Variants in ATP1A2 observed in about 807,000 individuals in gnomAD.
ATP1A2 encodes sodium/potassium-transporting ATPase subunit alpha-2.
A neutral mutation model predicts 113.1 loss-of-function variants in ATP1A2; 56 were observed. The observed-to-expected ratio is 0.49, with a 90% CI of 0.40 to 0.62. The LOEUF (loss-of-function observed/expected upper bound fraction) is 0.62, where lower values mean the gene tolerates loss of function less well. Ranked by LOEUF, ATP1A2 falls within the 20% of genes least tolerant of loss-of-function variation. The pLI is 0.00. For synonymous variants in ATP1A2, 490 were observed against 526.8 expected (o/e 0.93, Z 0.96); for missense variants, 712 against 1,357.8 (o/e 0.52, Z 7.47).
At chr1:160,124,087 G>C (rs780495428) in intron 5 of ATP1A2, 31 bp downstream of exon 5, 1 of 1,610,672 alleles carries the variant, frequency 6.2e-7, no homozygotes. Flanking sequence ...TCTGGGCTAG[G>C]CTGTAAGGTT....
intron 13 of ATP1A2, 36 bp downstream of exon 13, chr1:160,130,633 C>A: frequency 1.2e-6 from 2 of 1,613,634 alleles, no homozygotes; most frequent in Non-Finnish European, 1.7e-6. Context: ...ATTCTAGCCT[C>A]CCCCATGCCA....
chr1:160,128,982 G>T lies in ATP1A2; in HGVS notation c.1219G>T (p.Ala407Ser). Reference protein sequence around the residue: ...EADTTEDQSGATFDKRSPTWT... With the variant: ...EADTTEDQSGSTFDKRSPTWT... ...GGTTCCCCCTCATTTCCTCCCAGGGGCCACTTTTGACAAACGATCCCCTAC... is the reference window on the plus strand; with the variant it reads ...GGTTCCCCCTCATTTCCTCCCAGGGTCCACTTTTGACAAACGATCCCCTAC... The change falls in exon 10 of 23, where the codon GCC becomes TCC. Residue 407 changes from alanine (A) to serine (S), a missense_variant and splice_region_variant. By Grantham distance (99) the Ala-to-Ser change is moderately conservative (BLOSUM62 1). Transcript: ENST00000361216. The T allele has an allele frequency of 6.2e-7, 1 of 1,602,744 alleles. No homozygotes were observed. The highest frequency in any genetic ancestry group is 1.1e-5 in the South Asian group (1 of 89,752).
At position 160,116,800 on chromosome 1, in the gene ATP1A2, C is replaced by T. The variant is rs1363418433; in HGVS notation, c.12+927C>T. 9.2e-5 allele frequency among the ~76,000 whole-genome samples: 14 copies of T among 152,120 alleles called. 1 individual carries two copies. In the South Asian group the frequency reaches 1.7e-3, roughly 18 times the overall value. ...GAGGAAGACTGTGCCTAGGGGGAGC[C>T]GTGGGTGTTTCTGGGCCCAGGAGGA... On this transcript the variant is annotated intron_variant, in intron 1 of 22. Transcript: ENST00000361216.
In ATP1A2 at chr1:160,119,256, C is replaced by CAAAAAAAAAAAAAAAAA. The variant is rs386368465; in HGVS notation, c.13-1639_13-1623dup. ...AAACCCCCAAAACTGCATTATCCTG[C>CAAAAAAAAAAAAAAAAA]AAAAAAAAAAAAAAAAAAAAAAAAA... On this transcript the variant is annotated intron_variant, in intron 1 of 22. Coordinates refer to ENST00000361216, the MANE Select transcript of ATP1A2 (RefSeq NM_000702.4). 8.5e-4 allele frequency among the ~76,000 whole-genome samples: 42 copies of CAAAAAAAAAAAAAAAAA among 49,428 alleles called. 11 individuals carry two copies. Among genetic ancestry groups the CAAAAAAAAAAAAAAAAA allele is most frequent in the Middle Eastern group, 0.017 (1 of 58 alleles). 32.4% of individuals were successfully genotyped at this position (49,428 alleles called of 152,430 possible).
In ATP1A2 at chr1:160,124,558, C is replaced by G; in HGVS notation, c.630+128C>G. 2.2e-6 allele frequency: 3 copies of G among 1,389,848 alleles called. No homozygotes were observed. In the South Asian group the frequency reaches 3.8e-5, roughly 18 times the overall value. The allele number at this position is 1,389,848 out of a possible 1,614,324, so 86.1% of individuals were successfully genotyped here. ...AAATGTCAACACCATGCCTATGCCCCTGCTAAACCTTCTCTCAGTGTGGGG... is the reference window on the plus strand; with the variant it reads ...AAATGTCAACACCATGCCTATGCCCGTGCTAAACCTTCTCTCAGTGTGGGG... On this transcript the variant is annotated intron_variant, in intron 6 of 22. Transcript: ENST00000361216.
chr1:160,129,661 C>T (rs560942898), intron 11 of ATP1A2, among the ~76,000 whole-genome samples: 1 of 152,308 alleles, frequency 6.6e-6, no homozygotes, highest in South Asian at 2.1e-4. Context: ...TCTGGCCTAG[C>T]CTTCCAACTC....
intron 22 of ATP1A2, 80 bp from the exon 23 acceptor site, chr1:160,141,214 C>T (rs1242789992): frequency 2.4e-5 from 37 of 1,572,696 alleles, no homozygotes; most frequent in Middle Eastern, 1.7e-4. Flanking sequence ...CTGGCTTCAG[C>T]GACCCAAGCC....
chr1:160,136,893 C>A lies in ATP1A2; in HGVS notation c.2710-8C>A. 1 of 1,614,202 alleles carries A rather than the reference C, an allele frequency of 6.2e-7. No individual in the cohort carries two copies. ...ACTCTCATCTGTCTCTGCCCACCCT[C>A]CCTCCAGACCTATGAGCAGCGGAAG... On this transcript the variant is annotated splice_region_variant and splice_polypyrimidine_tract_variant and intron_variant, in intron 19 of 22. Transcript: ENST00000361216.
At position 160,123,531 on chromosome 1, in the gene ATP1A2, C is replaced by T. The variant is rs1302907066; in HGVS notation, c.381+115C>T. On this transcript the variant is annotated intron_variant, in intron 4 of 22. Transcript: ENST00000361216. ...CCCTCACATAACAGTCCTACAGATGCCCCTGCATCTTAGGCTGGAAAGGGG... is the reference window on the plus strand; with the variant it reads ...CCCTCACATAACAGTCCTACAGATGTCCCTGCATCTTAGGCTGGAAAGGGG... 3.0e-6 allele frequency: 4 copies of T among 1,334,318 alleles called. No homozygotes were observed. The African/African-American group carries it at 5.8e-5, about 19-fold the overall frequency. The allele number at this position is 1,334,318 out of a possible 1,614,324, so 82.7% of individuals were successfully genotyped here.
At chr1:160,116,550 C>CA (rs931206639) in intron 1 of ATP1A2, among the ~76,000 whole-genome samples, 1 of 151,912 alleles carries the variant, frequency 6.6e-6, no homozygotes, top group Non-Finnish European at 1.5e-5. Context: ...GACCCCCCCC[C>CA]CAGTCCACCC....
chr1:160,131,953 T>C (rs1239928554), intron 13 of ATP1A2, among the ~76,000 whole-genome samples: 2 of 152,248 alleles, frequency 1.3e-5, no homozygotes, highest in African/African-American at 4.8e-5. Context: ...CCGGAAAGCC[T>C]GAGCTCCTGC....
At position 160,123,968 on chromosome 1, in the gene ATP1A2, C is replaced by T. The variant is rs1651502620; in HGVS notation, c.407C>T (p.Ala136Val). The change falls in exon 5 of 23, where the codon GCT (alanine) becomes GTT (valine). Residue 136 changes from alanine (A) to valine (V), a missense_variant. Transcript: ENST00000361216. ...DNLYLGVVLAAVVIVTGCFSY... is the reference protein window; with the variant it reads ...DNLYLGVVLAVVVIVTGCFSY... ...CTATATCTGGGTGTGGTGCTGGCAG[C>T]TGTGGTCATTGTCACTGGCTGCTTC... 1 of 1,614,176 alleles carries T rather than the reference C, an allele frequency of 6.2e-7. No individual in the cohort carries two copies. The highest frequency in any genetic ancestry group is 8.5e-7 in the Non-Finnish European group (1 of 1,180,028).
At chr1:160,136,787 C>T in intron 19 of ATP1A2, 72 bp downstream of exon 19, 1 of 1,613,998 alleles carries the variant, frequency 6.2e-7, no homozygotes, top group Non-Finnish European at 8.5e-7. Context: ...CAGGAGTGGC[C>T]AGTGGTGGCC....
chr1:160,132,854 G>A (rs543997032), intron 13 of ATP1A2, among the ~76,000 whole-genome samples: 2 of 152,146 alleles, frequency 1.3e-5, no homozygotes, highest in Non-Finnish European at 2.9e-5. Context: ...TGCCCAGAAA[G>A]AGCAGACAGG....
rs1417070333 is a variant in ATP1A2 at position 160,115,888 on chromosome 1, A to G, written c.12+15A>G. The G allele has an allele frequency of 1.2e-6, 2 of 1,601,752 alleles. No individual in the cohort carries two copies. The highest frequency in any genetic ancestry group is 2.2e-5 in the East Asian group (1 of 44,518). The stretch of plus-strand genomic sequence containing the variant: ...TGGGCCGTGGGGTGAGTATCCCTAA[A>G]GAGCAGGGGTCGCAGTCTAGAGGGT... On this transcript the variant is annotated intron_variant, in intron 1 of 22. Transcript: ENST00000361216.
Position 160,135,083 on chromosome 1 carries a change from G to A in ATP1A2, c.1965-62G>A. ...GGCTGCGGTGGTGAAGAGAGGCAGG[G>A]GGCAGGAGGGGCTGGTACAGGTGCC... On this transcript the variant is annotated intron_variant, in intron 14 of 22. Coordinates refer to ENST00000361216, the MANE Select transcript of ATP1A2 (RefSeq NM_000702.4). The surrounding 1 kb of genome is among the most constrained non-coding windows in gnomAD (Gnocchi z 6.3). 1.9e-6 allele frequency: 3 copies of A among 1,608,870 alleles called. No individual in the cohort carries two copies. In the Middle Eastern group the frequency reaches 5.0e-4, roughly 266 times the overall value.
At chr1:160,124,517 G>A (rs1014184788) in intron 6 of ATP1A2, 87 bp downstream of exon 6, 2 of 1,544,624 alleles carry the variant, frequency 1.3e-6, no homozygotes, top group African/African-American at 1.4e-5. Flanking sequence ...GTTTAAAGGT[G>A]GAGAGACCCA....
At chr1:160,119,405 G>A (rs1427462323) in intron 1 of ATP1A2, among the ~76,000 whole-genome samples, 1 of 152,102 alleles carries the variant, frequency 6.6e-6, no homozygotes, top group Admixed American at 6.6e-5. Flanking sequence ...GAATCCAGTG[G>A]AGAAATAGGC....
At chr1:160,122,531 C>A (rs1452793165) in intron 3 of ATP1A2, among the ~76,000 whole-genome samples, 1 of 151,914 alleles carries the variant, frequency 6.6e-6, no homozygotes, top group Non-Finnish European at 1.5e-5. Context: ...GCTCTAGAAT[C>A]AAGTATAGAA....
Sources: allele counts gnomAD v4.1 joint callset (sites outside exome capture counted in the v4.1 genomes callset), GRCh38; gene constraint gnomAD v4.1.1; non-coding constraint Gnocchi (gnomAD v3.1); transcripts MANE v1.5; gene names NCBI Gene and HGNC (gene_info 2026-07-23, HGNC 2026-07-21).